XK: variants seen among roughly 807,000 people sequenced by gnomAD.
The protein encoded by XK is endoplasmic reticulum membrane adapter protein XK.
A neutral mutation model predicts 14.0 loss-of-function variants in XK; 2 were observed. That is an observed-to-expected ratio of 0.14 (90% CI 0.06 to 0.45). The LOEUF (loss-of-function observed/expected upper bound fraction) is 0.45. Among genes scored for constraint, XK ranks in the 20% least tolerant of loss-of-function variants. The pLI is 0.98. For missense variants in XK, 235 were observed against 341.5 expected (o/e 0.69, Z 2.46); for synonymous variants, 149 against 147.5 (o/e 1.01, Z -0.08).
Position 37,727,926 on chromosome X carries a change from A to G in XK, c.799A>G (p.Ile267Val). 8.3e-7 allele frequency: 1 copy of G among 1,211,447 alleles called. No homozygotes were observed. Among genetic ancestry groups the G allele is most frequent in the East Asian group, 3.0e-5 (1 of 33,822 alleles). ...CAGTGGTTCCCCATTCCCTGAGAAC[A>G]TAGAGAAGGCCCTCAGTAGAGTGGG... Reference protein sequence around the residue: ...WCSGSPFPENIEKALSRVGTT... With the variant: ...WCSGSPFPENVEKALSRVGTT... Residue 267 changes from isoleucine to valine, a missense_variant, in exon 3 of 3, where the codon ATA becomes GTA. Physicochemically the swap from Ile to Val is conservative, Grantham distance 29. Coordinates refer to ENST00000378616, the MANE Select transcript of XK (RefSeq NM_021083.4).
rs188330837 is a variant in XK at position 37,722,153 on chromosome X, A to G, written c.509-5483A>G. On this transcript the variant is annotated intron_variant, in intron 2 of 2. Transcript: ENST00000378616. ...TATGCGAATATTTAAAAATCATTAA[A>G]TTGTTCACTTTAAATGTTTGTGAAT... Among the ~76,000 whole-genome samples, 221 of 111,903 alleles carry G rather than the reference A, an allele frequency of 2.0e-3. 2 individuals are homozygous for G. Among genetic ancestry groups the G allele is most frequent in the African/African-American group, 6.9e-3 (212 of 30,926 alleles).
rs28940599 is a variant in XK, at chrX:37,696,538, C to T, written c.508+1990C>T. 1.5e-3 allele frequency among the ~76,000 whole-genome samples: 173 copies of T among 112,462 alleles called. 1 individual carries two copies. The highest frequency in any genetic ancestry group is 5.3e-3 in the African/African-American group (163 of 30,976). On this transcript the variant is annotated intron_variant, in intron 2 of 2. Coordinates refer to ENST00000378616, the MANE Select transcript of XK (RefSeq NM_021083.4). The stretch of plus-strand genomic sequence containing the variant: ...TGCAGGTCTTGACTAACCCCAATCA[C>T]TGCCTTAACATATATAAGGAGGGAA...
intron 1 of XK, among the ~76,000 whole-genome samples, chrX:37,691,979 A>G (rs1927211905): frequency 9.0e-6 from 1 of 111,205 alleles, no homozygotes; most frequent in Non-Finnish European, 1.9e-5. Context: ...TGAGAGAGTG[A>G]GACTGTCTTT....
chrX:37,719,722 GTTATT>G (rs1307582587), intron 2 of XK, among the ~76,000 whole-genome samples: 6 of 110,932 alleles, frequency 5.4e-5, no homozygotes, highest in African/African-American at 2.0e-4. Context: ...ATAAATTATA[GTTATT>G]TTAAGTCCAT....
At chrX:37,687,456 T>C (rs1556440530) in intron 1 of XK, among the ~76,000 whole-genome samples, 1 of 108,707 alleles carries the variant, frequency 9.2e-6, no homozygotes, top group Non-Finnish European at 1.9e-5. Flanking sequence ...CTTTCTTTTT[T>C]TTTGTATTTT....
chrX:37,725,119 A>G (rs781840480), intron 2 of XK, among the ~76,000 whole-genome samples: 8 of 111,712 alleles, frequency 7.2e-5, no homozygotes, highest in Non-Finnish European at 1.5e-4. Context: ...GTAATCTAAA[A>G]AAGTCAAATT....
intron 2 of XK, among the ~76,000 whole-genome samples, chrX:37,717,688 G>T (rs782466816): frequency 9.0e-6 from 1 of 111,543 alleles, no homozygotes. Flanking sequence ...TCACAATTCT[G>T]AGAACAAAAC....
chrX:37,707,615 G>A (rs1224109865), intron 2 of XK, among the ~76,000 whole-genome samples: 3 of 110,234 alleles, frequency 2.7e-5, no homozygotes, highest in East Asian at 2.9e-4. Context: ...ACGGGGCAGC[G>A]GGGCAGAGCC....
In XK at chrX:37,694,386, G is replaced by A. The variant is rs1556442152; in HGVS notation, c.346G>A (p.Glu116Lys). 5.0e-6 allele frequency: 6 copies of A among 1,207,699 alleles called. No individual in the cohort carries two copies. In the South Asian group the frequency reaches 1.1e-4, roughly 21 times the overall value. The change falls in exon 2 of 3, where the codon GAG becomes AAG. Residue 116 changes from glutamate to lysine, a missense_variant. By Grantham distance (56) the Glu-to-Lys change is moderately conservative. Transcript: ENST00000378616. ...KRQMPKNGLS[E>K]EIEKEVGQAE... Reference sequence around the variant, plus strand: ...GCAAATGCCAAAAAATGGCCTCTCAGAGGAGATTGAGAAGGAGGTGGGCCA... The same window carrying A: ...GCAAATGCCAAAAAATGGCCTCTCAAAGGAGATTGAGAAGGAGGTGGGCCA...
chrX:37,725,555 T>C (rs889911716), intron 2 of XK, among the ~76,000 whole-genome samples: 1 of 111,172 alleles, frequency 9.0e-6, no homozygotes. Context: ...AAATTACACA[T>C]GCTCTTACCC....
At chrX:37,721,646 T>G (rs1927874428) in intron 2 of XK, among the ~76,000 whole-genome samples, 1 of 111,691 alleles carries the variant, frequency 9.0e-6, no homozygotes, top group Non-Finnish European at 1.9e-5. Flanking sequence ...ACTATGGCAG[T>G]TCCTTCGACA....
At chrX:37,699,798 C>T (rs1351649496) in intron 2 of XK, among the ~76,000 whole-genome samples, 6 of 111,474 alleles carry the variant, frequency 5.4e-5, no homozygotes, top group African/African-American at 1.3e-4. Flanking sequence ...ATTTTGAGGC[C>T]GGGCTTGATC....
intron 2 of XK, among the ~76,000 whole-genome samples, chrX:37,718,538 A>G (rs1347550792): frequency 8.9e-6 from 1 of 111,984 alleles, no homozygotes; most frequent in South Asian, 3.7e-4. Context: ...GCTTCTGTAA[A>G]TATCCTTGTG....
Position 37,728,675 on chromosome X carries a change from C to T in XK, c.*213C>T. On this transcript the variant is annotated 3_prime_UTR_variant, in exon 3 of 3. Coordinates refer to ENST00000378616, the MANE Select transcript of XK (RefSeq NM_021083.4). ...GTGTTGAAGGGGCAACCCAAGGCAT[C>T]ACAGTTCACAGGTAACCATGTTGTG... The T allele has an allele frequency of 4.6e-6, 2 of 437,351 alleles. No individual in the cohort carries two copies. The highest frequency in any genetic ancestry group is 8.0e-6 in the Non-Finnish European group (2 of 250,971). The allele number at this position is 437,351 out of a possible 1,213,427, so 36.0% of individuals were successfully genotyped here. A position where few individuals can be genotyped will look rare whatever the true frequency, so the allele number is the denominator to read the frequency against.
In XK at chrX:37,687,115, A is replaced by G. The variant is rs550641161; in HGVS notation, c.245+909A>G. On this transcript the variant is annotated intron_variant, in intron 1 of 2. Transcript: ENST00000378616. ...ATTTGAAGAGATGGAAAGGCCAGAG[A>G]GACACCTCAGCTGCCAGAAAATTCA... Among the ~76,000 whole-genome samples, 61 of 109,752 alleles carry G rather than the reference A, an allele frequency of 5.6e-4. 1 individual carries two copies. The South Asian group carries it at 0.025, about 44-fold the overall frequency.
intron 1 of XK, among the ~76,000 whole-genome samples, chrX:37,693,751 A>C (rs1237758118): frequency 8.9e-6 from 1 of 111,938 alleles, no homozygotes; most frequent in Non-Finnish European, 1.9e-5. Context: ...TTTCCGAGCC[A>C]TAGCTTCTGC....
chrX:37,701,140 T>C (rs1927408716), intron 2 of XK, among the ~76,000 whole-genome samples: 1 of 111,937 alleles, frequency 8.9e-6, no homozygotes, highest in East Asian at 2.8e-4. Flanking sequence ...CAGTTCTTAA[T>C]GGTTACAAAA....
chrX:37,686,497 C>T (rs782107404), intron 1 of XK, among the ~76,000 whole-genome samples: 4 of 112,164 alleles, frequency 3.6e-5, no homozygotes, highest in Non-Finnish European at 7.5e-5. Flanking sequence ...GTGGTTCAAC[C>T]TCATTAAAGA....
chrX:37,724,059 C>A (rs1602157694), intron 2 of XK, among the ~76,000 whole-genome samples: 1 of 111,306 alleles, frequency 9.0e-6, no homozygotes, highest in Admixed American at 9.5e-5. Context: ...ATTAATTAAA[C>A]TCAGTGCCAA....
Sources: gnomAD v4.1 joint callset for allele counts (sites outside exome capture counted in the v4.1 genomes callset) on GRCh38, gnomAD v4.1.1 for gene constraint, MANE v1.5 for transcripts, NCBI Gene and HGNC (gene_info 2026-07-23, HGNC 2026-07-21) for gene names.